Variants in EXOC4 observed in about 807,000 individuals in gnomAD.
The protein encoded by EXOC4 is SEC8-like 1.
A neutral mutation model predicts 107.2 loss-of-function variants in EXOC4; 71 were observed. That is an observed-to-expected ratio of 0.66 (90% CI 0.55 to 0.81). The LOEUF (loss-of-function observed/expected upper bound fraction) is 0.81, where lower values mean the gene tolerates loss of function less well. Ranked by LOEUF, EXOC4 falls within the 30% of genes least tolerant of loss-of-function variation. EXOC4 has a pLI of 0.00. For synonymous variants in EXOC4, 456 were observed against 441.2 expected (o/e 1.03, Z -0.42); for missense variants, 1,108 against 1,189.6 (o/e 0.93, Z 1.01).
intron 1 of EXOC4, among the ~76,000 whole-genome samples, chr7:133,262,813 G>A (rs1795183749): frequency 1.3e-5 from 2 of 152,268 alleles, no homozygotes; most frequent in African/African-American, 2.4e-5. Flanking sequence ...AATGATAAAT[G>A]TTAGTGACGA....
chr7:133,451,387 T>G (rs1319205765), intron 7 of EXOC4, among the ~76,000 whole-genome samples: 1 of 152,158 alleles, frequency 6.6e-6, no homozygotes, highest in Non-Finnish European at 1.5e-5. Context: ...GGCAGTATCC[T>G]CTTTTGATCT....
rs537121879 is a variant in EXOC4 at position 133,601,160 on chromosome 7, G to GT, written c.1418-28878dup. Among the ~76,000 whole-genome samples, 241 of 152,042 alleles carry GT rather than the reference G, an allele frequency of 1.6e-3. 1 individual carries two copies. Among genetic ancestry groups the GT allele is most frequent in the African/African-American group, 5.7e-3 (235 of 41,480 alleles). ...TTTTCGTAGACCTCTTTGTGATCGG[G>GT]TTTTTTTCAAGGGTAAAAATCTGAT... On this transcript the variant is annotated intron_variant, in intron 9 of 17. Transcript: ENST00000253861.
chr7:133,434,473 G>T (rs1291416425), intron 7 of EXOC4, among the ~76,000 whole-genome samples: 1 of 152,082 alleles, frequency 6.6e-6, no homozygotes, highest in African/African-American at 2.4e-5. Context: ...GGCATTAATG[G>T]TATATTTCTC....
chr7:133,954,217 T>C (rs1258100540), intron 14 of EXOC4, among the ~76,000 whole-genome samples: 1 of 152,228 alleles, frequency 6.6e-6, no homozygotes, highest in Non-Finnish European at 1.5e-5. Context: ...GGTGGGGATC[T>C]TCATCAGTCA....
chr7:134,073,205 CA>C, the EXOC4 span, among the ~76,000 whole-genome samples: 43 of 22,594 alleles, frequency 1.9e-3, no homozygotes, highest in African/African-American at 3.6e-3. Context: ...GACTTCCTCT[CA>C]AAAAAAAAAA....
rs140185750 is a variant in EXOC4 at position 133,256,724 on chromosome 7, T to C, written c.86+3537T>C. Among the ~76,000 whole-genome samples the C allele has an allele frequency of 1.7e-3, 260 of 152,346 alleles. 1 individual carries two copies. Among genetic ancestry groups the C allele is most frequent in the African/African-American group, 6.2e-3 (257 of 41,596 alleles). ...ATAAAATTTTGTATTTTTTCAATGC[T>C]TTTCCTAACAGTTGGGGTAGCATTT... is the stretch of plus-strand genomic sequence containing the variant. On this transcript the variant is annotated intron_variant, in intron 1 of 17. Transcript: ENST00000253861.
chr7:133,876,439 A>G lies in EXOC4; in HGVS notation c.1735-19160A>G, dbSNP rs150707556. On this transcript the variant is annotated intron_variant, in intron 11 of 17. Transcript: ENST00000253861. ...TTTCTTAAAGGCCAAATGTCCATAC[A>G]TGATCCAAGGAACTCTTATGTTTCT... Among the ~76,000 whole-genome samples, 648 of 152,270 alleles carry G rather than the reference A, an allele frequency of 4.3e-3. 2 individuals carry two copies. The highest frequency in any genetic ancestry group is 0.015 in the African/African-American group (624 of 41,552).
downstream of EXOC4, among the ~76,000 whole-genome samples, chr7:134,067,101 G>T (rs980801643): frequency 5.6e-5 from 8 of 141,722 alleles, no homozygotes; most frequent in African/African-American, 2.1e-4. Context: ...AGTGAGCCCA[G>T]ATCACACCAT....
chr7:134,019,190 A>G (rs1474278258), intron 17 of EXOC4, among the ~76,000 whole-genome samples: 2 of 152,202 alleles, frequency 1.3e-5, no homozygotes, highest in Non-Finnish European at 2.9e-5. Flanking sequence ...TCAGCCTCCC[A>G]AAGTGCTGGG....
At chr7:133,302,926 A>T (rs1794671940) in intron 3 of EXOC4, among the ~76,000 whole-genome samples, 1 of 152,214 alleles carries the variant, frequency 6.6e-6, no homozygotes, top group South Asian at 2.1e-4. Context: ...CATACATTAA[A>T]ACAATCTTTT....
intron 3 of EXOC4, among the ~76,000 whole-genome samples, chr7:133,304,134 A>G (rs1358212583): frequency 2.6e-5 from 4 of 152,208 alleles, no homozygotes; most frequent in African/African-American, 9.6e-5. Flanking sequence ...GCTGGATTTA[A>G]TTACCTTAAG....
intron 7 of EXOC4, among the ~76,000 whole-genome samples, chr7:133,441,515 C>T (rs1047942399): frequency 3.3e-5 from 5 of 152,210 alleles, no homozygotes; most frequent in East Asian, 3.9e-4. Context: ...CTCAGCCTCC[C>T]GAGTACCTGG....
At chr7:133,536,148 G>A (rs1800265505) in intron 9 of EXOC4, among the ~76,000 whole-genome samples, 1 of 152,148 alleles carries the variant, frequency 6.6e-6, no homozygotes, top group African/African-American at 2.4e-5. Context: ...ACACTGTCCT[G>A]TTCATAAAAT....
intron 7 of EXOC4, among the ~76,000 whole-genome samples, chr7:133,419,441 TA>T (rs1487977872): frequency 6.6e-6 from 1 of 152,150 alleles, no homozygotes; most frequent in Non-Finnish European, 1.5e-5. Context: ...GAACTAACAG[TA>T]AAGGAATTGA....
intron 7 of EXOC4, among the ~76,000 whole-genome samples, chr7:133,408,795 A>C (rs1185155444): frequency 6.6e-6 from 1 of 152,146 alleles, no homozygotes; most frequent in Non-Finnish European, 1.5e-5. Flanking sequence ...AGTCCACCAT[A>C]TGTGAATTCT....
At chr7:133,357,913 C>T (rs1022404875) in intron 6 of EXOC4, among the ~76,000 whole-genome samples, 1 of 152,162 alleles carries the variant, frequency 6.6e-6, no homozygotes, top group Non-Finnish European at 1.5e-5. Context: ...TTTGGCCAGG[C>T]ACAGTGGCTC....
At chr7:133,610,576 C>G (rs999026860) in intron 9 of EXOC4, among the ~76,000 whole-genome samples, 1 of 152,014 alleles carries the variant, frequency 6.6e-6, no homozygotes, top group East Asian at 1.9e-4. Flanking sequence ...CATATTCCTC[C>G]CCACACCTCC....
chr7:133,804,665 A>G (rs1373574114), intron 10 of EXOC4, among the ~76,000 whole-genome samples: 1 of 152,198 alleles, frequency 6.6e-6, no homozygotes, highest in Non-Finnish European at 1.5e-5. Flanking sequence ...TTGACATATG[A>G]AATACTTCCA....
chr7:133,608,557 T>C (rs1563125456), intron 9 of EXOC4, among the ~76,000 whole-genome samples: 1 of 145,004 alleles, frequency 6.9e-6, no homozygotes, highest in Non-Finnish European at 1.5e-5. Flanking sequence ...TTTTTTTTTT[T>C]TTTTTTTTTT....
Sources: gnomAD v4.1 joint callset for allele counts (sites outside exome capture counted in the v4.1 genomes callset) on GRCh38, gnomAD v4.1.1 for gene constraint, MANE v1.5 for transcripts, NCBI Gene and HGNC (gene_info 2026-07-23, HGNC 2026-07-21) for gene names.